PAK5: variants seen among roughly 807,000 people sequenced by gnomAD.
The protein encoded by PAK5 is p21 (RAC1) activated kinase 5.
In PAK5, 16 loss-of-function variants were observed where a neutral mutation model predicts 65.9. The observed-to-expected ratio is 0.24, with a 90% CI of 0.16 to 0.37. The LOEUF is 0.37. Among genes scored for constraint, PAK5 ranks in the 10% least tolerant of loss-of-function variants. PAK5 has a pLI of 1.00. For synonymous variants in PAK5, 371 were observed against 354.9 expected (o/e 1.05, Z -0.51); for missense variants, 785 against 903.9 (o/e 0.87, Z 1.69).
At chr20:9,544,621 G>T in intron 7 of PAK5, 127 bp from the exon 8 acceptor site, 1 of 813,986 alleles carries the variant, frequency 1.2e-6, no homozygotes, top group South Asian at 1.7e-5. Context: ...GGACATATCA[G>T]AGGAGGGACT....
At chr20:9,675,953 CTG>C (rs1317132548) in intron 2 of PAK5, among the ~76,000 whole-genome samples, 2 of 152,074 alleles carry the variant, frequency 1.3e-5, no homozygotes, top group Non-Finnish European at 2.9e-5. Flanking sequence ...GCAACAAAAA[CTG>C]TGTATTAGTT....
intron 1 of PAK5, among the ~76,000 whole-genome samples, chr20:9,809,817 A>G (rs762143390): frequency 6.6e-6 from 1 of 152,084 alleles, no homozygotes; most frequent in Non-Finnish European, 1.5e-5. Flanking sequence ...TACCAGAACC[A>G]CTCTTCGGAG....
chr20:9,606,956 G>GAACAAAGAACAA (rs1437311764), intron 3 of PAK5, among the ~76,000 whole-genome samples: 1 of 152,122 alleles, frequency 6.6e-6, no homozygotes, highest in East Asian at 1.9e-4. Context: ...CTAGAACAAA[G>GAACAAAGAACAA]AGACTTAAGA....
At position 9,657,696 on chromosome 20, in the gene PAK5, C is replaced by A. The variant is rs79316908; in HGVS notation, c.-11-13357G>T. Among the ~76,000 whole-genome samples, 967 of 152,168 alleles carry A rather than the reference C, an allele frequency of 6.4e-3. 12 individuals are homozygous for A. The highest frequency in any genetic ancestry group is 0.01 in the Admixed American group (154 of 15,282). ...GTAGGAGAGCAGCTGCAGGCCTACT[C>A]GTGATACAGATATTGGGTTGGGAAT... On this transcript the variant is annotated intron_variant, in intron 2 of 9. Coordinates refer to ENST00000353224, the MANE Select transcript of PAK5 (RefSeq NM_177990.4).
intron 7 of PAK5, among the ~76,000 whole-genome samples, chr20:9,545,076 T>C (rs1036777412): frequency 6.6e-6 from 1 of 152,318 alleles, no homozygotes; most frequent in African/African-American, 2.4e-5. Context: ...CCTTTGTCCA[T>C]GACAGTTGAA....
At chr20:9,621,533 A>T (rs965589685) in intron 3 of PAK5, among the ~76,000 whole-genome samples, 2 of 148,732 alleles carry the variant, frequency 1.3e-5, no homozygotes, top group African/African-American at 2.5e-5. Context: ...AAAAAAAAAA[A>T]AAAAATACTT....
intron 7 of PAK5, 147 bp downstream of exon 7, chr20:9,557,458 TTTC>T (rs1358143688): frequency 1.7e-6 from 1 of 575,796 alleles, no homozygotes; most frequent in African/African-American, 1.9e-5. Flanking sequence ...GGGATGGTAA[TTTC>T]TTTTTTGTAA....
chr20:9,800,479 T>C (rs574568252), intron 1 of PAK5, among the ~76,000 whole-genome samples: 2 of 152,238 alleles, frequency 1.3e-5, no homozygotes, highest in African/African-American at 4.8e-5. Context: ...ACAAGAAGAA[T>C]GTACTTAGAG....
rs554824728 is a variant in PAK5, at chr20:9,557,342, G to A, written c.1743+266C>T. On this transcript the variant is annotated intron_variant, in intron 7 of 9. Coordinates refer to ENST00000353224, the MANE Select transcript of PAK5 (RefSeq NM_177990.4). ...AACAAAAAACAGATGTGGCAGAAAA[G>A]GAAAAGAAATAGCCATAGTTTCTAT... 4.5e-3 allele frequency among the ~76,000 whole-genome samples: 683 copies of A among 152,216 alleles called. 7 individuals carry two copies. Among genetic ancestry groups the A allele is most frequent in the Non-Finnish European group, 7.4e-3 (501 of 68,010 alleles).
At chr20:9,632,998 G>A (rs6056767) in intron 3 of PAK5, among the ~76,000 whole-genome samples, 77,600 of 151,840 alleles carry the variant, frequency 0.51, 20,465 homozygotes, top group African/African-American at 0.63. Context: ...CCCAAAAGAC[G>A]GAGTTACTAC....
At chr20:9,722,635 A>G (rs1195982605) in intron 1 of PAK5, among the ~76,000 whole-genome samples, 1 of 152,126 alleles carries the variant, frequency 6.6e-6, no homozygotes, top group Non-Finnish European at 1.5e-5. Flanking sequence ...AAATAAATTA[A>G]TTTTTAAAAA....
chr20:9,799,501 T>C (rs935417977), intron 1 of PAK5, among the ~76,000 whole-genome samples: 4 of 152,086 alleles, frequency 2.6e-5, no homozygotes, highest in Admixed American at 2.6e-4. Context: ...TTAATAAGAA[T>C]GTGTGTGTGG....
intron 3 of PAK5, among the ~76,000 whole-genome samples, chr20:9,605,859 G>A (rs1407998023): frequency 1.3e-5 from 2 of 152,162 alleles, no homozygotes; most frequent in Non-Finnish European, 2.9e-5. Context: ...GAACCTTGGA[G>A]GTGGAGGTTG....
At position 9,565,947 on chromosome 20, in the gene PAK5, T is replaced by C. The variant is rs1473589361; in HGVS notation, c.1428A>G (p.Ala476=). 4 of 1,613,664 alleles carry C rather than the reference T, an allele frequency of 2.5e-6. No individual in the cohort carries two copies. The highest frequency in any genetic ancestry group is 1.3e-5 in the African/African-American group (1 of 74,818). The change falls in exon 5 of 10, where the codon GCA becomes GCG. Residue 476 remains alanine (A), a synonymous_variant. Transcript: ENST00000353224. The stretch of plus-strand genomic sequence containing the variant: ...GCTTCCGGAGGTCCATTTTCTTCAC[T>C]GCAACTTGTTTCCCTGTGTGTTTCT... The part of the protein sequence containing the change: ...ATEKHTGKQV[A]VKKMDLRKQQ...
At position 9,657,920 on chromosome 20, in the gene PAK5, G is replaced by A. The variant is rs148152460; in HGVS notation, c.-11-13581C>T. 9.7e-3 allele frequency among the ~76,000 whole-genome samples: 1,478 copies of A among 152,258 alleles called. 20 individuals carry two copies. The highest frequency in any genetic ancestry group is 0.033 in the African/African-American group (1,365 of 41,540). ...AAGTGGTCCACCATCTGTAAACATC[G>A]TCTAGATAGTCCCAGATTCTCCAGA... is the stretch of plus-strand genomic sequence containing the variant. On this transcript the variant is annotated intron_variant, in intron 2 of 9. Transcript: ENST00000353224.
rs553964448 is a variant in PAK5, at chr20:9,546,641, A to G, written c.1744-2147T>C. 2.4e-4 allele frequency among the ~76,000 whole-genome samples: 36 copies of G among 152,348 alleles called. 1 individual carries two copies. The East Asian group carries it at 6.9e-3, about 29-fold the overall frequency. On this transcript the variant is annotated intron_variant, in intron 7 of 9. Transcript: ENST00000353224. ...GAAGAGAAAGACATCAAGAAATCAG[A>G]GAAACAACGGAGAATAAATTGGGAA... is the stretch of plus-strand genomic sequence containing the variant.
intron 1 of PAK5, among the ~76,000 whole-genome samples, chr20:9,754,246 T>C (rs1261661526): frequency 2.6e-5 from 4 of 152,274 alleles, no homozygotes; most frequent in Non-Finnish European, 4.4e-5. Flanking sequence ...ACAGGGGAAT[T>C]GCAATAAAGA....
chr20:9,716,362 C>T (rs28653383), intron 1 of PAK5, among the ~76,000 whole-genome samples: 3,768 of 152,182 alleles, frequency 0.025, 156 homozygotes, highest in African/African-American at 0.086. Flanking sequence ...TCAAACAGTT[C>T]AGAGTATCAG....
intron 1 of PAK5, among the ~76,000 whole-genome samples, chr20:9,744,574 G>A (rs2048485680): frequency 6.6e-6 from 1 of 152,168 alleles, no homozygotes; most frequent in Admixed American, 6.5e-5. Flanking sequence ...AGCAATTATT[G>A]ACTAAATGGG....
Sources: gnomAD v4.1 joint callset for allele counts (sites outside exome capture counted in the v4.1 genomes callset) on GRCh38, gnomAD v4.1.1 for gene constraint, MANE v1.5 for transcripts, NCBI Gene and HGNC (gene_info 2026-07-23, HGNC 2026-07-21) for gene names.